FRYL: variants seen among roughly 807,000 people sequenced by gnomAD.
FRYL encodes protein furry homolog-like.
In FRYL, 150 loss-of-function variants were observed where a neutral mutation model predicts 351.2. The ratio of observed to expected loss-of-function variants is 0.43; its 90% CI spans 0.37 to 0.49. FRYL has a LOEUF of 0.49. FRYL is among the 20% of genes least tolerant of loss of function. FRYL has a pLI of 0.00. For synonymous variants in FRYL, 1,153 were observed against 1,257.1 expected (o/e 0.92, Z 1.75); for missense variants, 3,036 against 3,619.3 (o/e 0.84, Z 4.13).
intron 1 of FRYL, among the ~76,000 whole-genome samples, chr4:48,717,015 C>T (rs1228183251): frequency 6.7e-6 from 1 of 149,710 alleles, no homozygotes; most frequent in Non-Finnish European, 1.5e-5. Flanking sequence ...AGTAAACTAT[C>T]GCAAGAACAA....
chr4:48,622,797 T>C (rs187229177), intron 5 of FRYL, among the ~76,000 whole-genome samples: 1 of 152,024 alleles, frequency 6.6e-6, no homozygotes, highest in Non-Finnish European at 1.5e-5. Flanking sequence ...CACAGAAAAA[T>C]AAATAAATGT....
intron 12 of FRYL, 109 bp from the exon 13 acceptor site, chr4:48,602,230 G>C: frequency 1.6e-6 from 1 of 634,930 alleles, no homozygotes; most frequent in South Asian, 1.7e-5. Context: ...AATCTTTTAA[G>C]CAGTTTTCCA....
intron 40 of FRYL, among the ~76,000 whole-genome samples, chr4:48,548,077 G>GT (rs1192478322): frequency 3.3e-5 from 5 of 151,848 alleles, no homozygotes; most frequent in African/African-American, 7.3e-5. Context: ...TAAAGGCAGG[G>GT]TTTTTTGTGT....
At chr4:48,620,891 A>C (rs1750522302) in intron 5 of FRYL, 113 bp from the exon 6 acceptor site, 2 of 925,386 alleles carry the variant, frequency 2.2e-6, no homozygotes, top group Non-Finnish European at 1.6e-6. Flanking sequence ...CAATGCAATA[A>C]ATGTGCTTTA....
chr4:48,752,632 C>G (rs1331181804), intron 1 of FRYL, among the ~76,000 whole-genome samples: 1 of 151,848 alleles, frequency 6.6e-6, no homozygotes, highest in Admixed American at 6.6e-5. Context: ...AAAGATTCAC[C>G]AAGATAAAAA....
intron 7 of FRYL, among the ~76,000 whole-genome samples, chr4:48,617,248 T>G (rs1749674703): frequency 6.6e-6 from 1 of 152,208 alleles, no homozygotes; most frequent in African/African-American, 2.4e-5. Context: ...GGCCACTGTA[T>G]TTCTTTTTCA....
At chr4:48,643,084 T>C (rs1440410716) in intron 3 of FRYL, among the ~76,000 whole-genome samples, 2 of 152,186 alleles carry the variant, frequency 1.3e-5, no homozygotes, top group African/African-American at 4.8e-5. Context: ...GGCTGACTTT[T>C]CTCCTCTAGC....
At chr4:48,717,340 T>C (rs1226391480) in intron 1 of FRYL, among the ~76,000 whole-genome samples, 1 of 151,542 alleles carries the variant, frequency 6.6e-6, no homozygotes, top group Non-Finnish European at 1.5e-5. Context: ...ACGTAGTATA[T>C]GATTCCATTT....
Position 48,575,246 on chromosome 4 carries a change from A to G in FRYL, c.2722-5T>C. 1.9e-6 allele frequency: 3 copies of G among 1,605,154 alleles called. No individual in the cohort carries two copies. The highest frequency in any genetic ancestry group is 1.7e-4 in the Middle Eastern group (1 of 6,026). ...AGGGGATGGGATGCCAATAATCTGG[A>G]AAAAAAATATCGTATTTGTAACAGC... is the stretch of plus-strand genomic sequence containing the variant. On this transcript the variant is annotated splice_region_variant and splice_polypyrimidine_tract_variant and intron_variant, in intron 24 of 63. Transcript: ENST00000358350.
In FRYL at chr4:48,624,060, C is replaced by A. The variant is rs550465193; in HGVS notation, c.121-881G>T. On this transcript the variant is annotated intron_variant, in intron 4 of 63. Coordinates refer to ENST00000358350, the MANE Select transcript of FRYL (RefSeq NM_015030.2). ...TTGAACTTGCTTGGTATCACAGAAGCCAAGAAGAAAGAGTATTTCATTAAA... is the reference window on the plus strand; with the variant it reads ...TTGAACTTGCTTGGTATCACAGAAGACAAGAAGAAAGAGTATTTCATTAAA... Among the ~76,000 whole-genome samples, 34 of 152,126 alleles carry A rather than the reference C, an allele frequency of 2.2e-4. No individual in the cohort carries two copies. In the South Asian group the frequency reaches 7.1e-3, roughly 32 times the overall value.
intron 32 of FRYL, 71 bp downstream of exon 32, chr4:48,562,818 T>C (rs544084989): frequency 3.4e-6 from 3 of 870,578 alleles, no homozygotes; most frequent in African/African-American, 1.7e-5. Context: ...TATGCTTTAA[T>C]AGCAAGACTA....
At chr4:48,671,215 C>T (rs1390221297) in intron 3 of FRYL, among the ~76,000 whole-genome samples, 1 of 152,118 alleles carries the variant, frequency 6.6e-6, no homozygotes, top group African/African-American at 2.4e-5. Flanking sequence ...TGTTAAGCAC[C>T]TTAAAAAGAT....
At chr4:48,532,432 C>T (rs753191415) in intron 49 of FRYL, among the ~76,000 whole-genome samples, 1 of 152,156 alleles carries the variant, frequency 6.6e-6, no homozygotes, top group Admixed American at 6.5e-5. Flanking sequence ...CCAATGCAGG[C>T]AGACCACTTG....
intron 1 of FRYL, among the ~76,000 whole-genome samples, chr4:48,779,073 C>T (rs922658655): frequency 6.6e-6 from 1 of 151,066 alleles, no homozygotes; most frequent in South Asian, 2.1e-4. Context: ...TGCAAATCCA[C>T]AAAAATGCGA....
intron 1 of FRYL, among the ~76,000 whole-genome samples, chr4:48,726,030 T>G (rs774052645): frequency 3.3e-5 from 5 of 152,134 alleles, no homozygotes; most frequent in Non-Finnish European, 5.9e-5. Flanking sequence ...TACAGAGGAC[T>G]GGTGAAATTC....
chr4:48,763,605 G>A (rs937623550), intron 1 of FRYL, among the ~76,000 whole-genome samples: 2 of 152,002 alleles, frequency 1.3e-5, no homozygotes, highest in African/African-American at 4.8e-5. Flanking sequence ...AATCCTAGAG[G>A]ATTACATGTA....
At chr4:48,516,491 A>G (rs1334910091) in intron 55 of FRYL, among the ~76,000 whole-genome samples, 1 of 152,240 alleles carries the variant, frequency 6.6e-6, no homozygotes, top group Non-Finnish European at 1.5e-5. Context: ...AATAAAGATC[A>G]GCTTCTTTTG....
In FRYL at chr4:48,510,713, A is replaced by G. The variant is rs1348248502; in HGVS notation, c.8295+122T>C. On this transcript the variant is annotated intron_variant, in intron 58 of 63. Transcript: ENST00000358350. ...TAGAATTGTAGTTTGCCACATATTT[A>G]TAATCATGTTGAAAATACGAACCTT... The G allele has an allele frequency of 2.8e-5, 22 of 782,262 alleles. No homozygotes were observed. In the East Asian group the frequency reaches 5.1e-4, roughly 18 times the overall value. The allele number at this position is 782,262 out of a possible 1,614,324, so 48.5% of individuals were successfully genotyped here.
At chr4:48,688,790 G>A (rs1765410942) in intron 2 of FRYL, among the ~76,000 whole-genome samples, 1 of 150,566 alleles carries the variant, frequency 6.6e-6, no homozygotes, top group South Asian at 2.1e-4. Flanking sequence ...AGCTTCCCAA[G>A]TAGTTAGGAT....
Sources: gnomAD v4.1 joint callset for allele counts (sites outside exome capture counted in the v4.1 genomes callset) on GRCh38, gnomAD v4.1.1 for gene constraint, MANE v1.5 for transcripts, NCBI Gene and HGNC (gene_info 2026-07-23, HGNC 2026-07-21) for gene names.